The following NBDY variants were observed in gnomAD, a reference collection of about 807,000 sequenced individuals.
The protein encoded by NBDY is P-body dissociating protein.
chrX:56,783,651 C>A (rs1303099746), intron 2 of NBDY, among the ~76,000 whole-genome samples: 4 of 112,135 alleles, frequency 3.6e-5, no homozygotes, highest in Non-Finnish European at 7.5e-5. Context: ...CCACCCAGTC[C>A]CGCACATTTT....
intron 2 of NBDY, among the ~76,000 whole-genome samples, chrX:56,764,702 C>CAAAAAAAAAAAAAAAAAAA (rs10623590): frequency 1.5e-4 from 9 of 60,797 alleles, no homozygotes; most frequent in East Asian, 5.8e-4. Flanking sequence ...AAACAAACAC[C>CAAAAAAAAAAAAAAAAAAA]AAAAAAAAAA....
intron 2 of NBDY, among the ~76,000 whole-genome samples, chrX:56,762,136 C>T (rs781765933): frequency 1.8e-5 from 2 of 111,470 alleles, no homozygotes; most frequent in Admixed American, 9.4e-5. Context: ...CTTTGTCACT[C>T]GTTATGTATG....
chrX:56,735,310 T>A (rs1166778140), intron 2 of NBDY, among the ~76,000 whole-genome samples: 5 of 112,467 alleles, frequency 4.4e-5, no homozygotes, highest in Non-Finnish European at 7.5e-5. Flanking sequence ...TTTGCACACT[T>A]GGTCTCGTTT....
At chrX:56,797,645 G>A (rs2069800139) in intron 2 of NBDY, among the ~76,000 whole-genome samples, 1 of 111,029 alleles carries the variant, frequency 9.0e-6, no homozygotes, top group African/African-American at 3.3e-5. Flanking sequence ...ACCTGAGTCA[G>A]TAGGAGCCTC....
chrX:56,741,925 A>AT (rs1042890516), intron 2 of NBDY, among the ~76,000 whole-genome samples: 1 of 110,774 alleles, frequency 9.0e-6, no homozygotes, highest in Non-Finnish European at 1.9e-5. Flanking sequence ...TGTCCTGGAG[A>AT]TTTTTCCCAT....
chrX:56,739,260 A>ATATATATATATATATG (rs1268251033), intron 2 of NBDY, among the ~76,000 whole-genome samples: 1 of 80,507 alleles, frequency 1.2e-5, no homozygotes, highest in African/African-American at 5.3e-5. Context: ...ATATATATAT[A>ATATATATATATATATG]TATGTATGTA....
chrX:56,738,250 C>G (rs1351219777), intron 2 of NBDY, among the ~76,000 whole-genome samples: 1 of 112,174 alleles, frequency 8.9e-6, no homozygotes, highest in Non-Finnish European at 1.9e-5. Context: ...ATTATATTCT[C>G]ACAACCCCAC....
At chrX:56,748,806 T>A in intron 2 of NBDY, among the ~76,000 whole-genome samples, 1 of 98,919 alleles carries the variant, frequency 1.0e-5, no homozygotes, top group African/African-American at 3.7e-5. Flanking sequence ...TTACAGTGGG[T>A]TGAAGAGTTA....
chrX:56,787,862 C>A (rs955362802), intron 2 of NBDY, among the ~76,000 whole-genome samples: 8 of 112,461 alleles, frequency 7.1e-5, no homozygotes, highest in Admixed American at 1.9e-4. Flanking sequence ...TTCTGGTGAC[C>A]TCCATTTATG....
chrX:56,750,227 A>G (rs2069577500), intron 2 of NBDY, among the ~76,000 whole-genome samples: 1 of 111,441 alleles, frequency 9.0e-6, no homozygotes, highest in Admixed American at 9.5e-5. Context: ...TAATTCCCAA[A>G]TCCAATGACT....
intron 2 of NBDY, among the ~76,000 whole-genome samples, chrX:56,799,764 A>C (rs1450461985): frequency 8.9e-6 from 1 of 112,634 alleles, no homozygotes; most frequent in Non-Finnish European, 1.9e-5. Context: ...CACACACAAA[A>C]AAAACAAAGA....
At chrX:56,759,370 G>T (rs1313389839) in intron 2 of NBDY, among the ~76,000 whole-genome samples, 1 of 112,126 alleles carries the variant, frequency 8.9e-6, no homozygotes, top group African/African-American at 3.2e-5. Flanking sequence ...CCAAAGGAAG[G>T]GCAAAGGCTG....
At chrX:56,753,480 T>C (rs1033046540) in intron 2 of NBDY, among the ~76,000 whole-genome samples, 1 of 108,331 alleles carries the variant, frequency 9.2e-6, no homozygotes, top group African/African-American at 3.6e-5. Flanking sequence ...ACTTGAATGA[T>C]AATCAGCATA....
At chrX:56,803,354 C>T (rs1003077330) in intron 2 of NBDY, among the ~76,000 whole-genome samples, 3 of 111,860 alleles carry the variant, frequency 2.7e-5, no homozygotes, top group African/African-American at 9.8e-5. Flanking sequence ...GATAGGGGAC[C>T]TCTGGCCCCA....
intron 2 of NBDY, among the ~76,000 whole-genome samples, chrX:56,757,426 A>G (rs1196739869): frequency 2.7e-5 from 3 of 112,237 alleles, no homozygotes; most frequent in Non-Finnish European, 3.8e-5. Context: ...CACTAAACAC[A>G]CTAATTCTGG....
chrX:56,788,952 G>A lies in NBDY; in HGVS notation c.*167-28368G>A, dbSNP rs769905069. ...GCTTAAGCAGAGTCCACCCAGCCCCGCACATTTTCACTGATCTCTGTGCCT... is the reference window on the plus strand; with the variant it reads ...GCTTAAGCAGAGTCCACCCAGCCCCACACATTTTCACTGATCTCTGTGCCT... On this transcript the variant is annotated intron_variant, in intron 2 of 2. Coordinates refer to ENST00000374922, the MANE Select transcript of NBDY (RefSeq NM_001348129.2). 1.1e-4 allele frequency among the ~76,000 whole-genome samples: 12 copies of A among 112,099 alleles called. 1 individual carries two copies. Among genetic ancestry groups the A allele is most frequent in the African/African-American group, 1.9e-4 (6 of 30,817 alleles).
chrX:56,732,079 G>A lies in NBDY; in HGVS notation c.*46G>A. The A allele has an allele frequency of 3.4e-6, 1 of 296,831 alleles. No individual in the cohort carries two copies. The highest frequency in any genetic ancestry group is 5.9e-6 in the Non-Finnish European group (1 of 169,916). 24.5% of individuals were successfully genotyped at this position (296,831 alleles called of 1,213,427 possible). ...ATTTTTCAGTCTTTGAGTGATTGCAGTATGACTCCATTTCCCTGGTGCATT... is the reference window on the plus strand; with the variant it reads ...ATTTTTCAGTCTTTGAGTGATTGCAATATGACTCCATTTCCCTGGTGCATT... On this transcript the variant is annotated 3_prime_UTR_variant, in exon 2 of 3. Coordinates refer to ENST00000374922, the MANE Select transcript of NBDY (RefSeq NM_001348129.2).
At chrX:56,735,611 C>T (rs1569283269) in intron 2 of NBDY, among the ~76,000 whole-genome samples, 1 of 112,040 alleles carries the variant, frequency 8.9e-6, no homozygotes, top group African/African-American at 3.2e-5. Context: ...CTTGACAGTG[C>T]TCTTTGAGAT....
intron 2 of NBDY, among the ~76,000 whole-genome samples, chrX:56,782,701 A>C (rs975610343): frequency 9.0e-6 from 1 of 111,275 alleles, no homozygotes; most frequent in Non-Finnish European, 1.9e-5. Flanking sequence ...AAGTTTGGCA[A>C]GTTGTCCCGT....
Sources: gnomAD v4.1 joint callset for allele counts (sites outside exome capture counted in the v4.1 genomes callset) on GRCh38, gnomAD v4.1.1 for gene constraint, MANE v1.5 for transcripts, NCBI Gene and HGNC (gene_info 2026-07-23, HGNC 2026-07-21) for gene names.